Variants in CHRDL2 observed in about 807,000 individuals in gnomAD.
CHRDL2 encodes chordin like 2, also known as chordin-like protein 2.
In CHRDL2, 41 loss-of-function variants were observed where a neutral mutation model predicts 54.3. That is an observed-to-expected ratio of 0.76 (90% CI 0.59 to 0.98). The LOEUF is 0.98. Ranked by LOEUF, CHRDL2 falls within the 50% of genes least tolerant of loss-of-function variation. The probability of loss-of-function intolerance (pLI) is 0.00; values close to 1 mark genes in which losing one functional copy is unlikely to be tolerated. For missense variants in CHRDL2, 518 were observed against 562.4 expected, an observed-to-expected ratio of 0.92 and a Z score of 0.80; for synonymous variants, 220 against 224.3, an observed-to-expected ratio of 0.98 and a Z score of 0.17.
chr11:74,717,736 C>T (rs976391030), intron 2 of CHRDL2, among the ~76,000 whole-genome samples: 4 of 152,208 alleles, frequency 2.6e-5, no homozygotes, highest in Non-Finnish European at 4.4e-5. Context: ...AGGCCTTCTG[C>T]ATTCCTCTCT....
intron 5 of CHRDL2, 58 bp downstream of exon 5, chr11:74,708,244 G>C (rs1037718274): frequency 2.0e-5 from 25 of 1,253,090 alleles, no homozygotes; most frequent in Non-Finnish European, 2.6e-5. Context: ...ACAGTCCATG[G>C]CTAGGCCCAT....
intron 3 of CHRDL2, among the ~76,000 whole-genome samples, chr11:74,712,219 CA>C (rs1394485602): frequency 1.3e-5 from 2 of 152,026 alleles, no homozygotes; most frequent in African/African-American, 4.8e-5. Flanking sequence ...GATGGAAGCA[CA>C]GAAGTTGTGA....
In CHRDL2 at chr11:74,718,848, G is replaced by A; in HGVS notation, c.83-16C>T. 2.6e-6 allele frequency: 4 copies of A among 1,538,710 alleles called. No individual in the cohort carries two copies. Among genetic ancestry groups the A allele is most frequent in the Non-Finnish European group, 3.6e-6 (4 of 1,118,698 alleles). ...ATGTCTGGGCCTGGCAAACCGACCA[G>A]TGCCATGTTAGTCCCAGGAGGCTCC... On this transcript the variant is annotated splice_polypyrimidine_tract_variant and intron_variant, in intron 1 of 10. Transcript: ENST00000376332.
At chr11:74,714,874 G>A (rs7951008) in intron 2 of CHRDL2, among the ~76,000 whole-genome samples, 1,880 of 152,238 alleles carry the variant, frequency 0.012, 15 homozygotes, top group Non-Finnish European at 0.02. Flanking sequence ...ACAGGTTAGC[G>A]GTGAAAGGGC....
In CHRDL2 at chr11:74,731,104, C is replaced by A; in HGVS notation, c.-216G>T. On this transcript the variant is annotated 5_prime_UTR_variant, in exon 1 of 11. Coordinates refer to ENST00000376332, the MANE Select transcript of CHRDL2 (RefSeq NM_001278473.3). This position sits in a 1 kb window ranked among gnomAD's most constrained non-coding sequence, Gnocchi z 4.4. ...GAAGAAGAGAAAGGTGGAAAGAGAA[C>A]GCGGGGAAAGGAGGGAGAGATGGAG... is the stretch of plus-strand genomic sequence containing the variant. The A allele has an allele frequency of 1.8e-6, 1 of 556,868 alleles. No homozygotes were observed. The highest frequency in any genetic ancestry group is 3.2e-6 in the Non-Finnish European group (1 of 312,856). The allele number at this position is 556,868 out of a possible 1,614,324, so 34.5% of individuals were successfully genotyped here. A position where few individuals can be genotyped will look rare whatever the true frequency, so the allele number is the denominator to read the frequency against.
chr11:74,704,549 A>G lies in CHRDL2; in HGVS notation c.688T>C (p.Phe230Leu). ...GTGCTGCCTGCTCCCTTGGGTCTGAAGTGGCGAGGGATGAAGCTCAGAGGG... is the reference window on the plus strand; with the variant it reads ...GTGCTGCCTGCTCCCTTGGGTCTGAGGTGGCGAGGGATGAAGCTCAGAGGG... The part of the protein sequence containing the change: ...SAPLSFIPRH[F>L]RPKGAGSTTV... The change falls in exon 7 of 11, where the codon TTC becomes CTC. Residue 230 changes from phenylalanine to leucine, a missense_variant. Phe to Leu is a conservative substitution (Grantham distance 22). Coordinates refer to ENST00000376332, the MANE Select transcript of CHRDL2 (RefSeq NM_001278473.3). The G allele has an allele frequency of 6.3e-7, 1 of 1,581,628 alleles. No homozygotes were observed. The highest frequency in any genetic ancestry group is 8.6e-7 in the Non-Finnish European group (1 of 1,167,734).
chr11:74,730,212 C>T (rs116857197), intron 1 of CHRDL2, among the ~76,000 whole-genome samples: 1,945 of 151,992 alleles, frequency 0.013, 13 homozygotes, highest in Non-Finnish European at 0.02. Context: ...TTCAGGGTTC[C>T]TTCTAGACAA....
chr11:74,702,784 C>T lies in CHRDL2; in HGVS notation c.1120+10G>A. On this transcript the variant is annotated intron_variant, in intron 9 of 10. Transcript: ENST00000376332. ...GAGGTACACCCCACTGGGAGTGGGC[C>T]AGCACTCACCTTTTACCAGCTTCCA... The T allele has an allele frequency of 6.2e-7, 1 of 1,614,034 alleles. No homozygotes were observed. Among genetic ancestry groups the T allele is most frequent in the Non-Finnish European group, 8.5e-7 (1 of 1,179,958 alleles).
intron 1 of CHRDL2, among the ~76,000 whole-genome samples, chr11:74,723,528 C>T (rs532575505): frequency 1.1e-4 from 16 of 152,266 alleles, no homozygotes; most frequent in African/African-American, 3.4e-4. Flanking sequence ...TAATTGAGAA[C>T]TTTTACCTTT....
At chr11:74,712,463 G>C (rs1163827849) in intron 3 of CHRDL2, among the ~76,000 whole-genome samples, 1 of 152,182 alleles carries the variant, frequency 6.6e-6, no homozygotes, top group Admixed American at 6.5e-5. Flanking sequence ...AGGCCCCCCA[G>C]AGTCGGCATC....
At chr11:74,727,395 G>GA (rs1262395638) in intron 1 of CHRDL2, among the ~76,000 whole-genome samples, 1 of 151,798 alleles carries the variant, frequency 6.6e-6, no homozygotes, top group East Asian at 1.9e-4. Flanking sequence ...AACCCTTGAA[G>GA]AAAAAAAATA....
chr11:74,729,757 A>G, intron 1 of CHRDL2, among the ~76,000 whole-genome samples: 1 of 152,316 alleles, frequency 6.6e-6, no homozygotes, highest in South Asian at 2.1e-4. Context: ...GGAGAAACCC[A>G]CTGCTTGAAT....
intron 9 of CHRDL2, 182 bp from the exon 10 acceptor site, chr11:74,697,479 G>C: frequency 1.7e-6 from 1 of 604,074 alleles, no homozygotes; most frequent in Non-Finnish European, 3.0e-6. Flanking sequence ...CTATCTCTCT[G>C]CCACTATCCT....
At chr11:74,703,925 C>T (rs2033919656) in intron 7 of CHRDL2, among the ~76,000 whole-genome samples, 1 of 152,168 alleles carries the variant, frequency 6.6e-6, no homozygotes, top group South Asian at 2.1e-4. Flanking sequence ...TCTTCCTTCT[C>T]CAGCCATCAG....
At chr11:74,703,164 G>A (rs2033886606) in intron 8 of CHRDL2, 141 bp downstream of exon 8, 1 of 1,101,818 alleles carries the variant, frequency 9.1e-7, no homozygotes, top group African/African-American at 1.6e-5. Flanking sequence ...CCACTCCTGT[G>A]TGTCTGACAT....
At chr11:74,720,254 TGTG>T (rs1426035410) in intron 1 of CHRDL2, 2 of 152,704 alleles carry the variant, frequency 1.3e-5, no homozygotes, top group Non-Finnish European at 2.9e-5. Flanking sequence ...TTATGATAAT[TGTG>T]GTAACAATCA....
chr11:74,710,242 G>A (rs902011784), intron 4 of CHRDL2, among the ~76,000 whole-genome samples: 1 of 151,346 alleles, frequency 6.6e-6, no homozygotes, highest in Non-Finnish European at 1.5e-5. Flanking sequence ...AATGACACGC[G>A]GAAAGCCACC....
At chr11:74,721,150 G>C (rs1055820545) in intron 1 of CHRDL2, among the ~76,000 whole-genome samples, 5 of 144,208 alleles carry the variant, frequency 3.5e-5, no homozygotes, top group African/African-American at 1.2e-4. Context: ...CTGGCAGAGA[G>C]GGTGGGACAC....
At chr11:74,729,304 G>T (rs2034617296) in intron 1 of CHRDL2, among the ~76,000 whole-genome samples, 1 of 152,240 alleles carries the variant, frequency 6.6e-6, no homozygotes, top group Non-Finnish European at 1.5e-5. Flanking sequence ...AAGCGGAAGA[G>T]ACATTTATTA....
Sources: allele counts gnomAD v4.1 joint callset (sites outside exome capture counted in the v4.1 genomes callset), GRCh38; gene constraint gnomAD v4.1.1; non-coding constraint Gnocchi (gnomAD v3.1); transcripts MANE v1.5; gene names NCBI Gene and HGNC (gene_info 2026-07-23, HGNC 2026-07-21).